POLR2B: variants seen among roughly 807,000 people sequenced by gnomAD.
The protein encoded by POLR2B is DNA-directed RNA polymerase II subunit RPB2.
Under a neutral mutation model 144.6 loss-of-function variants are expected in POLR2B, and 57 were observed. The ratio of observed to expected loss-of-function variants is 0.39; its 90% CI spans 0.32 to 0.49. The LOEUF (loss-of-function observed/expected upper bound fraction) is 0.49, where lower values mean the gene tolerates loss of function less well. Ranked by LOEUF, POLR2B falls within the 20% of genes least tolerant of loss-of-function variation. POLR2B has a pLI of 0.83. For missense variants in POLR2B, 595 were observed against 1,467.4 expected, an observed-to-expected ratio of 0.41 and a Z score of 9.71; for synonymous variants, 442 against 469.8, an observed-to-expected ratio of 0.94 and a Z score of 0.77.
At chr4:56,985,311 G>T (rs1722284361) in intron 1 of POLR2B, 2 of 985,482 alleles carry the variant, frequency 2.0e-6, no homozygotes, top group Non-Finnish European at 2.4e-6. Flanking sequence ...CTCAGCTCCT[G>T]CGAGGAGGCG....
intron 22 of POLR2B, 34 bp downstream of exon 22, chr4:57,025,033 TG>T: frequency 9.6e-7 from 1 of 1,039,394 alleles, no homozygotes. Context: ...ATTTGCCACT[TG>T]TTTTTTTTTG....
At chr4:57,029,517 A>G (rs1225511647) in intron 23 of POLR2B, among the ~76,000 whole-genome samples, 1 of 152,110 alleles carries the variant, frequency 6.6e-6, no homozygotes, top group Non-Finnish European at 1.5e-5. Flanking sequence ...TATTTTGTAT[A>G]TTTTGGATAT....
intron 24 of POLR2B, 118 bp downstream of exon 24, chr4:57,030,517 G>A (rs578143787): frequency 4.4e-6 from 3 of 680,116 alleles, no homozygotes; most frequent in African/African-American, 3.6e-5. Context: ...TTGATAGCAT[G>A]CTTCTGTGAG....
At chr4:57,020,452 G>A (rs541633787) in intron 16 of POLR2B, among the ~76,000 whole-genome samples, 19 of 152,306 alleles carry the variant, frequency 1.2e-4, no homozygotes, top group African/African-American at 4.6e-4. Context: ...GGGGAATGGG[G>A]TAGTATCAGT....
intron 16 of POLR2B, among the ~76,000 whole-genome samples, chr4:57,019,472 C>T (rs576631885): frequency 6.6e-5 from 10 of 151,942 alleles, no homozygotes; most frequent in African/African-American, 1.7e-4. Context: ...CCCAAAGTGC[C>T]GGGATTACAG....
chr4:57,024,308 G>A (rs1446124139), intron 21 of POLR2B, among the ~76,000 whole-genome samples, 196 bp downstream of exon 21: 3 of 124,054 alleles, frequency 2.4e-5, no homozygotes, highest in Non-Finnish European at 5.0e-5. Flanking sequence ...CAGAATTTTT[G>A]TGAGATATAC....
At chr4:56,984,084 C>T (rs1227591405) in intron 1 of POLR2B, among the ~76,000 whole-genome samples, 2 of 150,526 alleles carry the variant, frequency 1.3e-5, no homozygotes, top group Non-Finnish European at 3.0e-5. Flanking sequence ...AGGCTGGTCT[C>T]GAACTCCTGG....
intron 3 of POLR2B, among the ~76,000 whole-genome samples, chr4:56,993,008 A>C (rs973014161): frequency 6.6e-6 from 1 of 152,086 alleles, no homozygotes; most frequent in African/African-American, 2.4e-5. Flanking sequence ...TTGGAATAGA[A>C]AGAGGCTAGA....
At chr4:56,996,200 C>T (rs1455538173) in intron 6 of POLR2B, among the ~76,000 whole-genome samples, 1 of 94,096 alleles carries the variant, frequency 1.1e-5, no homozygotes, top group African/African-American at 4.4e-5. Flanking sequence ...ACCTCTATTT[C>T]AGTTCATGTG....
chr4:57,002,482 A>AT (rs1047677372), intron 7 of POLR2B, among the ~76,000 whole-genome samples: 1 of 151,770 alleles, frequency 6.6e-6, no homozygotes, highest in Non-Finnish European at 1.5e-5. Context: ...AAACTGCTTT[A>AT]TTTTTTTTCT....
chr4:57,017,768 G>A lies in POLR2B; in HGVS notation c.2323+40G>A. On this transcript the variant is annotated intron_variant, in intron 16 of 24. Coordinates refer to ENST00000314595, the MANE Select transcript of POLR2B (RefSeq NM_000938.3). The surrounding 1 kb of genome is among the most constrained non-coding windows in gnomAD (Gnocchi z 4.8). ...GCTCTACGTTATTTAAGATCCTTCT[G>A]TGCTTAAGGCACTTTTCTGGGTGCT... 6.6e-7 allele frequency: 1 copy of A among 1,523,538 alleles called. No individual in the cohort carries two copies. The highest frequency in any genetic ancestry group is 9.0e-7 in the Non-Finnish European group (1 of 1,110,836). The allele number at this position is 1,523,538 out of a possible 1,614,324, so 94.4% of individuals were successfully genotyped here.
chr4:57,027,683 C>CT (rs1723769173), intron 23 of POLR2B, among the ~76,000 whole-genome samples: 1 of 152,196 alleles, frequency 6.6e-6, no homozygotes, highest in African/African-American at 2.4e-5. Flanking sequence ...GATGTAGAAA[C>CT]TGAAACCATA....
At chr4:57,024,423 T>C (rs1309026661) in intron 21 of POLR2B, among the ~76,000 whole-genome samples, 3 of 152,230 alleles carry the variant, frequency 2.0e-5, no homozygotes, top group African/African-American at 7.2e-5. Context: ...AATAATTTTA[T>C]AGTTCTATTA....
chr4:57,023,860 T>C lies in POLR2B; in HGVS notation c.2856+109T>C. 2.4e-6 allele frequency: 2 copies of C among 839,864 alleles called. No homozygotes were observed. The highest frequency in any genetic ancestry group is 5.0e-5 in the Admixed American group (2 of 39,800). The allele number at this position is 839,864 out of a possible 1,614,324, so 52.0% of individuals were successfully genotyped here. A position where few individuals can be genotyped will look rare whatever the true frequency, so the allele number is the denominator to read the frequency against. ...CTCAAAGATGATACAGGTTGAACTT[T>C]TTGATTTTATTGTTGAATAAGTATA... is the stretch of plus-strand genomic sequence containing the variant. On this transcript the variant is annotated intron_variant, in intron 20 of 24. Coordinates refer to ENST00000314595, the MANE Select transcript of POLR2B (RefSeq NM_000938.3). This position sits in a 1 kb window ranked among gnomAD's most constrained non-coding sequence, Gnocchi z 4.3.
chr4:57,005,705 A>G lies in POLR2B; in HGVS notation c.1203A>G (p.Ala401=), dbSNP rs1722999984. The change falls in exon 9 of 25, where the codon GCA becomes GCG. Residue 401 remains alanine, a synonymous_variant. Transcript: ENST00000314595. ...TGGATCTTGCTGGGCCGCTGCTTGC[A>G]TTCTTATTTAGAGGGTAAGGAATTA... The part of the protein sequence containing the change: ...KRLDLAGPLL[A]FLFRGMFKNL... 1 of 1,612,448 alleles carries G rather than the reference A, an allele frequency of 6.2e-7. No individual in the cohort carries two copies. The highest frequency in any genetic ancestry group is 8.5e-7 in the Non-Finnish European group (1 of 1,179,378).
intron 13 of POLR2B, among the ~76,000 whole-genome samples, chr4:57,014,392 C>A (rs560958645): frequency 6.6e-6 from 1 of 152,082 alleles, no homozygotes; most frequent in South Asian, 2.1e-4. Context: ...CAGGGTTTCA[C>A]CATGTTTGCC....
chr4:56,981,626 TAAC>T (rs1722159505), intron 1 of POLR2B, among the ~76,000 whole-genome samples: 1 of 152,246 alleles, frequency 6.6e-6, no homozygotes, highest in Admixed American at 6.5e-5. Context: ...GTTTATTAGA[TAAC>T]GTCCTCATCA....
intron 17 of POLR2B, 64 bp downstream of exon 17, chr4:57,021,059 A>C: frequency 1.1e-6 from 1 of 900,280 alleles, no homozygotes; most frequent in Non-Finnish European, 1.9e-6. Context: ...TTATGCAAAA[A>C]AAGTTCTTAA....
At chr4:57,006,743 G>T (rs1723031499) in intron 9 of POLR2B, 73 bp from the exon 10 acceptor site, 3 of 1,192,554 alleles carry the variant, frequency 2.5e-6, no homozygotes, top group South Asian at 3.1e-5. Context: ...GCTTTTTTTT[G>T]CAATATTCCT....
Sources: allele counts gnomAD v4.1 joint callset (sites outside exome capture counted in the v4.1 genomes callset), GRCh38; gene constraint gnomAD v4.1.1; non-coding constraint Gnocchi (gnomAD v3.1); transcripts MANE v1.5; gene names NCBI Gene and HGNC (gene_info 2026-07-23, HGNC 2026-07-21).